Variants in ATP8B3 observed in about 807,000 individuals in gnomAD.
ATP8B3 encodes phospholipid-transporting ATPase IK.
Under a neutral mutation model 140.9 loss-of-function variants are expected in ATP8B3, and 141 were observed. That is an observed-to-expected ratio of 1.00 (90% CI 0.87 to 1.15). ATP8B3 has a LOEUF of 1.15. ATP8B3 is among the 50% of genes most tolerant of loss of function. The pLI is 0.00. For synonymous variants in ATP8B3, 765 were observed against 714.6 expected (o/e 1.07, Z -1.13); for missense variants, 1,874 against 1,740.6 (o/e 1.08, Z -1.36).
chr19:1,811,824 A>G lies in ATP8B3; in HGVS notation c.-88T>C. The G allele has an allele frequency of 1.4e-6, 2 of 1,379,352 alleles. No homozygotes were observed. Among genetic ancestry groups the G allele is most frequent in the Non-Finnish European group, 9.7e-7 (1 of 1,034,462 alleles). 85.4% of individuals were successfully genotyped at this position (1,379,352 alleles called of 1,614,324 possible). ...AGGTGGGGGAGACCCCCGTGGGGGC[A>G]GACTGGGGATTGGAGAGTTGGAGAG... On this transcript the variant is annotated 5_prime_UTR_variant, in exon 2 of 29. Transcript: ENST00000310127.
At position 1,805,752 on chromosome 19, in the gene ATP8B3, CCAGA is replaced by C; in HGVS notation, c.821+132_821+135del. The C allele has an allele frequency of 2.8e-6, 3 of 1,062,012 alleles. No homozygotes were observed. The highest frequency in any genetic ancestry group is 4.2e-6 in the Non-Finnish European group (3 of 721,264). 65.8% of individuals were successfully genotyped at this position (1,062,012 alleles called of 1,614,324 possible). ...CTCAGTGCCTGGCAGCACCCACGCC[CCAGA>C]CACTCATGGGGTGAGTGACCAAAGT... is the stretch of plus-strand genomic sequence containing the variant. On this transcript the variant is annotated intron_variant, in intron 9 of 28. Transcript: ENST00000310127. The surrounding 1 kb of genome is among the most constrained non-coding windows in gnomAD (Gnocchi z 5.2).
chr19:1,787,195 G>C lies in ATP8B3; in HGVS notation c.3070-9C>G, dbSNP rs567968903. 6.2e-7 allele frequency: 1 copy of C among 1,602,854 alleles called. No individual in the cohort carries two copies. Among genetic ancestry groups the C allele is most frequent in the Non-Finnish European group, 8.5e-7 (1 of 1,173,534 alleles). ...CATCCTTCATACAGGGGCTGAGCCG[G>C]GGGAGAAGGGCAAGGAGAACAAGTC... is the stretch of plus-strand genomic sequence containing the variant. On this transcript the variant is annotated splice_polypyrimidine_tract_variant and intron_variant, in intron 24 of 28. Coordinates refer to ENST00000310127, the MANE Select transcript of ATP8B3 (RefSeq NM_138813.4).
intron 24 of ATP8B3, 126 bp from the exon 25 acceptor site, chr19:1,787,312 C>T: frequency 1.5e-6 from 1 of 686,040 alleles, no homozygotes; most frequent in East Asian, 3.0e-5. Flanking sequence ...AAGGTTGGGG[C>T]TGGGACTGGG....
chr19:1,787,200 G>T lies in ATP8B3; in HGVS notation c.3070-14C>A. On this transcript the variant is annotated splice_polypyrimidine_tract_variant and intron_variant, in intron 24 of 28. Transcript: ENST00000310127. ...TTCATACAGGGGCTGAGCCGGGGGA[G>T]AAGGGCAAGGAGAACAAGTCAGCCT... 6.3e-7 allele frequency: 1 copy of T among 1,597,314 alleles called. No homozygotes were observed. Among genetic ancestry groups the T allele is most frequent in the South Asian group, 1.1e-5 (1 of 89,092 alleles).
In ATP8B3 at chr19:1,785,632, C is replaced by T. The variant is rs1299281990; in HGVS notation, c.3230G>A (p.Trp1077Ter). ...VGQKDELFNY[W>*]VFVQAIAHGV... The stretch of plus-strand genomic sequence containing the variant: ...ATGGGCGATGGCTTGGACGAAGACC[C>T]AGTAGTTGAAGAGCTCGTCCTTCTG... The change falls in exon 26 of 29, where the codon TGG becomes TAG. Residue 1077 changes from tryptophan (W) to a stop codon, truncating the protein, a stop_gained. Coordinates refer to ENST00000310127, the MANE Select transcript of ATP8B3 (RefSeq NM_138813.4). LOFTEE classifies it high-confidence loss of function. 1.2e-6 allele frequency: 2 copies of T among 1,613,282 alleles called. No individual in the cohort carries two copies. Among genetic ancestry groups the T allele is most frequent in the African/African-American group, 2.7e-5 (2 of 75,048 alleles).
chr19:1,805,509 G>A lies in ATP8B3; in HGVS notation c.822-53C>T, dbSNP rs1325419246. 10 of 1,426,706 alleles carry A rather than the reference G, an allele frequency of 7.0e-6. No homozygotes were observed. Among genetic ancestry groups the A allele is most frequent in the Non-Finnish European group, 9.7e-6 (10 of 1,033,978 alleles). 88.4% of individuals were successfully genotyped at this position (1,426,706 alleles called of 1,614,324 possible). On this transcript the variant is annotated intron_variant, in intron 9 of 28. Transcript: ENST00000310127. This position sits in a 1 kb window ranked among gnomAD's most constrained non-coding sequence, Gnocchi z 5.2. ...AAGTGGAGTTGATGGATGCTTCGAG[G>A]AGCCCCCAGACCCCTTCTGGAGTCA...
At position 1,796,178 on chromosome 19, in the gene ATP8B3, G is replaced by C. The variant is rs1369041491; in HGVS notation, c.1841C>G (p.Thr614Ser). 6.2e-7 allele frequency: 1 copy of C among 1,612,924 alleles called. No individual in the cohort carries two copies. Among genetic ancestry groups the C allele is most frequent in the Admixed American group, 1.7e-5 (1 of 60,012 alleles). Reference protein sequence around the residue: ...RNFGYVFLSRTQDTVTIMELG... With the variant: ...RNFGYVFLSRSQDTVTIMELG... ...CTCCATGATCGTGACGGTGTCCTGG[G>C]TGCGGGACAGGAACACGTAGCCGAA... Residue 614 changes from threonine to serine, a missense_variant, in exon 17 of 29, where the codon ACC becomes AGC. This residue lies in a region of ATP8B3 where 1,032 missense variants were observed against 963.6 expected (regional missense o/e 1.07). Coordinates refer to ENST00000310127, the MANE Select transcript of ATP8B3 (RefSeq NM_138813.4).
Position 1,806,262 on chromosome 19 carries a change from A to T in ATP8B3, c.678-93T>A. 1 of 1,525,764 alleles carries T rather than the reference A, an allele frequency of 6.6e-7. No individual in the cohort carries two copies. Among genetic ancestry groups the T allele is most frequent in the East Asian group, 2.5e-5 (1 of 40,646 alleles). 94.5% of individuals were successfully genotyped at this position (1,525,764 alleles called of 1,614,324 possible). A position where few individuals can be genotyped will look rare whatever the true frequency, so the allele number is the denominator to read the frequency against. Reference sequence around the variant, plus strand: ...AGGCACGGGATGACGGGGGGCCCGCAGCTGCAGTCCCCACCTCCGGGCCTT... The same window carrying T: ...AGGCACGGGATGACGGGGGGCCCGCTGCTGCAGTCCCCACCTCCGGGCCTT... On this transcript the variant is annotated intron_variant, in intron 7 of 28. Coordinates refer to ENST00000310127, the MANE Select transcript of ATP8B3 (RefSeq NM_138813.4). The surrounding 1 kb of genome is among the most constrained non-coding windows in gnomAD (Gnocchi z 5.6).
intron 18 of ATP8B3, among the ~76,000 whole-genome samples, chr19:1,793,671 C>T (rs2068584216): frequency 6.6e-6 from 1 of 152,232 alleles, no homozygotes; most frequent in African/African-American, 2.4e-5. Context: ...CGGCTTCTTA[C>T]CCCCCGACCC....
Position 1,809,750 on chromosome 19 carries a change from C to T in ATP8B3, c.311-16G>A, listed in dbSNP as rs763524834. Reference sequence around the variant, plus strand: ...CAGGTGAATGCTGCAGCGAGAGAGCCGGGCGTCGCTGGAGCTCGAGGCCCA... The same window carrying T: ...CAGGTGAATGCTGCAGCGAGAGAGCTGGGCGTCGCTGGAGCTCGAGGCCCA... On this transcript the variant is annotated splice_polypyrimidine_tract_variant and intron_variant, in intron 3 of 28. Transcript: ENST00000310127. 97 of 1,595,078 alleles carry T rather than the reference C, an allele frequency of 6.1e-5. 1 individual carries two copies. Among genetic ancestry groups the T allele is most frequent in the Non-Finnish European group, 2.2e-5 (26 of 1,170,828 alleles).
Position 1,783,127 on chromosome 19 carries a change from T to C in ATP8B3, c.3804A>G (p.Thr1268=), listed in dbSNP as rs1357029991. ...EGYANLITQG[T]ILRRGPGVSS... is the part of the protein sequence containing the mutation. ...TGACCCCTGGTCCCCTCCGCAGAAT[T>C]GTGCCCTGAGTGATGAGGTTTGCAT... Residue 1268 remains threonine (T), a synonymous_variant, in exon 29 of 29, where the codon ACA becomes ACG. Transcript: ENST00000310127. 1 of 1,613,602 alleles carries C rather than the reference T, an allele frequency of 6.2e-7. No homozygotes were observed. Among genetic ancestry groups the C allele is most frequent in the South Asian group, 1.1e-5 (1 of 91,042 alleles).
chr19:1,798,268 G>A (rs2068740500), intron 14 of ATP8B3, among the ~76,000 whole-genome samples: 1 of 151,848 alleles, frequency 6.6e-6, no homozygotes, highest in East Asian at 1.9e-4. Context: ...CCATTTCTTG[G>A]GGACTTCTCA....
At chr19:1,799,480 A>AT in intron 14 of ATP8B3, 2 of 226,518 alleles carry the variant, frequency 8.8e-6, no homozygotes, top group East Asian at 9.1e-5. Flanking sequence ...AAAAAAAAAA[A>AT]GTCGGCCGGG....
At chr19:1,786,182 C>T (rs939192439) in intron 25 of ATP8B3, among the ~76,000 whole-genome samples, 22 of 152,050 alleles carry the variant, frequency 1.4e-4, no homozygotes, top group African/African-American at 4.3e-4. Flanking sequence ...GGTCACTTGG[C>T]CACACGAACG....
At chr19:1,791,718 G>T in intron 20 of ATP8B3, 32 bp downstream of exon 20, 2 of 1,541,400 alleles carry the variant, frequency 1.3e-6, no homozygotes, top group East Asian at 2.2e-5. Context: ...ATGCTGCAGG[G>T]GCTTAGCCAC....
Position 1,807,219 on chromosome 19 carries a change from AG to A in ATP8B3, c.563del (p.Pro188LeufsTer35). On this transcript the variant is annotated frameshift_variant, in exon 6 of 29. Coordinates refer to ENST00000310127, the MANE Select transcript of ATP8B3 (RefSeq NM_138813.4). LOFTEE classifies it high-confidence loss of function. This position sits in a 1 kb window ranked among gnomAD's most constrained non-coding sequence, Gnocchi z 5.9. ...CACGGATGAAGAGGAGGCAGACCAT[AG>A]GGGTACTGAGCGAGAACCAGGGCAG... ...STLPWFSLST[P>X]MVCLLFIRAT... The A allele has an allele frequency of 6.2e-7, 1 of 1,612,822 alleles. No homozygotes were observed. Among genetic ancestry groups the A allele is most frequent in the Non-Finnish European group, 8.5e-7 (1 of 1,179,634 alleles).
At position 1,808,259 on chromosome 19, in the gene ATP8B3, A is replaced by C. The variant is rs2069086701; in HGVS notation, c.479T>G (p.Val160Gly). Residue 160 changes from valine to glycine, a missense_variant, in exon 5 of 29, where the codon GTG (valine) becomes GGG (glycine). Physicochemically the swap from Val to Gly is moderately radical, Grantham distance 109 (BLOSUM62 -3). Transcript: ENST00000310127. ...PLNLYEQFHR[V>G]SNLFFLIIII... ...GATGATGAGGAAGAACAGGTTGGAC[A>C]CGCGGTGGAACTGCTCGTACAGGTT... The C allele has an allele frequency of 1.2e-6, 2 of 1,613,058 alleles. No individual in the cohort carries two copies. Among genetic ancestry groups the C allele is most frequent in the Non-Finnish European group, 1.7e-6 (2 of 1,179,578 alleles).
At chr19:1,783,752 G>A (rs1274253896) in intron 28 of ATP8B3, among the ~76,000 whole-genome samples, 1 of 152,206 alleles carries the variant, frequency 6.6e-6, no homozygotes, top group Admixed American at 6.5e-5. Context: ...GGCAGGGCAG[G>A]TACACCATTC....
At position 1,805,302 on chromosome 19, in the gene ATP8B3, C is replaced by G. The variant is rs766472683; in HGVS notation, c.904+72G>C. 6 of 1,425,986 alleles carry G rather than the reference C, an allele frequency of 4.2e-6. No homozygotes were observed. In the East Asian group the frequency reaches 1.5e-4, roughly 35 times the overall value. The allele number at this position is 1,425,986 out of a possible 1,614,324, so 88.3% of individuals were successfully genotyped here. A position where few individuals can be genotyped will look rare whatever the true frequency, so the allele number is the denominator to read the frequency against. On this transcript the variant is annotated intron_variant, in intron 10 of 28. Transcript: ENST00000310127. The surrounding 1 kb of genome is among the most constrained non-coding windows in gnomAD (Gnocchi z 5.2). ...CACCTTGTTTTAAAAACAGTAATAACAACAACAAAATACCCTAACTTTTAA... is the reference window on the plus strand; with the variant it reads ...CACCTTGTTTTAAAAACAGTAATAAGAACAACAAAATACCCTAACTTTTAA...
Sources: allele counts gnomAD v4.1 joint callset (sites outside exome capture counted in the v4.1 genomes callset), GRCh38; gene constraint gnomAD v4.1.1; regional missense constraint gnomAD v4.1.1; non-coding constraint Gnocchi (gnomAD v3.1); transcripts MANE v1.5; gene names NCBI Gene and HGNC (gene_info 2026-07-23, HGNC 2026-07-21).